DECR1: variants seen among roughly 807,000 people sequenced by gnomAD.
DECR1 encodes 2,4-dienoyl-CoA reductase 1.
Under a neutral mutation model 38.8 loss-of-function variants are expected in DECR1, and 44 were observed. The ratio of observed to expected loss-of-function variants is 1.13; its 90% CI spans 0.89 to 1.46. DECR1 has a LOEUF of 1.46. Ranked by LOEUF, DECR1 falls within the 40% of genes most tolerant of loss-of-function variation. The pLI is 0.00. For missense variants in DECR1, 428 were observed against 405.5 expected (o/e 1.06, Z -0.48); for synonymous variants, 148 against 135.2 (o/e 1.09, Z -0.66).
At chr8:90,023,887 G>A (rs978406581) in intron 5 of DECR1, among the ~76,000 whole-genome samples, 1 of 151,814 alleles carries the variant, frequency 6.6e-6, no homozygotes, top group African/African-American at 2.4e-5. Flanking sequence ...CCCATGACAG[G>A]CCCCAGTATG....
chr8:90,037,266 T>G (rs183995301), intron 6 of DECR1, among the ~76,000 whole-genome samples: 95 of 152,234 alleles, frequency 6.2e-4, no homozygotes, highest in African/African-American at 1.8e-3. Context: ...TGGCTACATA[T>G]TAGACACCAC....
chr8:90,012,362 A>G (rs939030521), intron 1 of DECR1, among the ~76,000 whole-genome samples: 2 of 151,980 alleles, frequency 1.3e-5, no homozygotes, highest in East Asian at 1.9e-4. Context: ...CATGTTGGCC[A>G]GGTTGGTCTC....
At chr8:90,050,722 C>CT (rs1411174453) in intron 8 of DECR1, among the ~76,000 whole-genome samples, 1 of 152,202 alleles carries the variant, frequency 6.6e-6, no homozygotes, top group Non-Finnish European at 1.5e-5. Flanking sequence ...GACACATGCA[C>CT]ACGTATGTTT....
chr8:90,040,360 A>G (rs1255386237), intron 6 of DECR1, among the ~76,000 whole-genome samples: 2 of 152,214 alleles, frequency 1.3e-5, no homozygotes, highest in African/African-American at 2.4e-5. Context: ...AGTCAGATTA[A>G]CAGGCTATCT....
At chr8:90,051,144 G>T (rs1253866933) in intron 8 of DECR1, among the ~76,000 whole-genome samples, 2 of 151,200 alleles carry the variant, frequency 1.3e-5, no homozygotes, top group African/African-American at 4.9e-5. Flanking sequence ...TGCACATTGT[G>T]CACATTCACC....
chr8:90,028,545 A>G (rs763821184), intron 5 of DECR1, among the ~76,000 whole-genome samples: 18 of 152,146 alleles, frequency 1.2e-4, no homozygotes, highest in Non-Finnish European at 2.2e-4. Context: ...AGAATTCTAT[A>G]GTGATTCCCA....
At chr8:90,015,538 C>T in intron 1 of DECR1, 1 of 385,290 alleles carries the variant, frequency 2.6e-6, no homozygotes, top group Non-Finnish European at 5.4e-6. Context: ...GTGCAATTTC[C>T]AGGTGATGAA....
At chr8:90,003,916 C>T (rs1196333186) in intron 1 of DECR1, among the ~76,000 whole-genome samples, 1 of 150,832 alleles carries the variant, frequency 6.6e-6, no homozygotes, top group Non-Finnish European at 1.5e-5. Context: ...TCCAACCTGG[C>T]GATAGAGTGA....
intron 1 of DECR1, among the ~76,000 whole-genome samples, chr8:90,014,312 G>A (rs1164593956): frequency 2.0e-5 from 3 of 152,190 alleles, no homozygotes; most frequent in Non-Finnish European, 4.4e-5. Context: ...GATTGAATAT[G>A]ATGTGATCCT....
chr8:90,007,907 T>C (rs1327026922), intron 1 of DECR1, among the ~76,000 whole-genome samples: 1 of 152,216 alleles, frequency 6.6e-6, no homozygotes, highest in Non-Finnish European at 1.5e-5. Context: ...AGGGTAATGA[T>C]AAGTAAGTCT....
At chr8:90,036,745 C>T in intron 5 of DECR1, 96 bp from the exon 6 acceptor site, 3 of 734,072 alleles carry the variant, frequency 4.1e-6, no homozygotes, top group East Asian at 2.7e-5. Flanking sequence ...TTTCTTATAC[C>T]CTCTTTAATC....
At chr8:90,006,482 G>A (rs1245315805) in intron 1 of DECR1, among the ~76,000 whole-genome samples, 1 of 152,340 alleles carries the variant, frequency 6.6e-6, no homozygotes, top group South Asian at 2.1e-4. Context: ...TGTTGGCTGC[G>A]TTAAAGAGTT....
At chr8:90,050,009 C>T (rs1814030707) in intron 8 of DECR1, among the ~76,000 whole-genome samples, 1 of 152,156 alleles carries the variant, frequency 6.6e-6, no homozygotes, top group African/African-American at 2.4e-5. Context: ...TTCCTTACTC[C>T]TTATACAAAA....
chr8:90,001,988 A>G (rs1343799059), intron 1 of DECR1, among the ~76,000 whole-genome samples: 1 of 152,084 alleles, frequency 6.6e-6, no homozygotes, highest in Non-Finnish European at 1.5e-5. Flanking sequence ...GAGGACCACC[A>G]GGTCCCGGAG....
chr8:90,050,542 G>A (rs1376683365), intron 8 of DECR1, among the ~76,000 whole-genome samples: 1 of 152,214 alleles, frequency 6.6e-6, no homozygotes, highest in African/African-American at 2.4e-5. Flanking sequence ...TGGAGAGGAT[G>A]TGGAAAAATA....
At chr8:90,049,214 A>G (rs1814000321) in intron 8 of DECR1, among the ~76,000 whole-genome samples, 1 of 152,206 alleles carries the variant, frequency 6.6e-6, no homozygotes, top group Non-Finnish European at 1.5e-5. Flanking sequence ...AGGGTATTCA[A>G]TTAGGAAAAG....
chr8:90,044,766 C>T, intron 7 of DECR1, 83 bp from the exon 8 acceptor site: 1 of 1,425,910 alleles, frequency 7.0e-7, no homozygotes, highest in Non-Finnish European at 9.5e-7. Flanking sequence ...GGCAGCATGC[C>T]ATTTTATACA....
intron 1 of DECR1, chr8:90,006,303 G>T (rs753860078): frequency 1.4e-6 from 1 of 704,128 alleles, no homozygotes; most frequent in Non-Finnish European, 2.6e-6. Context: ...TGAGAGTGTT[G>T]TTGTTTGGTA....
intron 5 of DECR1, among the ~76,000 whole-genome samples, chr8:90,025,141 G>A (rs1188036196): frequency 6.6e-6 from 1 of 152,202 alleles, no homozygotes; most frequent in Non-Finnish European, 1.5e-5. Flanking sequence ...AGTATAGTTT[G>A]AAGTGAGGTA....
Sources: allele counts gnomAD v4.1 joint callset (sites outside exome capture counted in the v4.1 genomes callset), GRCh38; gene constraint gnomAD v4.1.1; transcripts MANE v1.5; gene names NCBI Gene and HGNC (gene_info 2026-07-23, HGNC 2026-07-21).